The following CSMD3 variants were observed in gnomAD, a reference collection of about 807,000 sequenced individuals.
CSMD3 encodes the protein CUB and Sushi multiple domains 3.
In CSMD3, 177 loss-of-function variants were observed where a neutral mutation model predicts 435.2. The ratio of observed to expected loss-of-function variants is 0.41; its 90% confidence interval spans 0.36 to 0.46. The LOEUF is 0.46. Among genes scored for constraint, CSMD3 ranks in the 20% least tolerant of loss-of-function variants. CSMD3 has a pLI of 0.34. For missense variants in CSMD3, 4,265 were observed against 4,504.6 expected (o/e 0.95, Z 1.52); for synonymous variants, 1,656 against 1,520.5 (o/e 1.09, Z -2.07).
intron 2 of CSMD3, chr8:113,314,338 C>A: frequency 2.0e-6 from 1 of 498,672 alleles, no homozygotes; most frequent in Non-Finnish European, 3.6e-6. Context: ...AAGAGATCAC[C>A]ACTCAATATA....
At chr8:113,382,181 T>C (rs2094418900) in intron 1 of CSMD3, among the ~76,000 whole-genome samples, 1 of 152,176 alleles carries the variant, frequency 6.6e-6, no homozygotes, top group African/African-American at 2.4e-5. Context: ...ATATTTTGTA[T>C]GCATTGATAA....
chr8:112,296,837 T>C (rs1443463500), intron 53 of CSMD3, among the ~76,000 whole-genome samples: 1 of 151,832 alleles, frequency 6.6e-6, no homozygotes, highest in Non-Finnish European at 1.5e-5. Context: ...ATTATTAAAC[T>C]CTTAGCTAAC....
At chr8:112,723,434 C>T (rs1337165569) in intron 13 of CSMD3, among the ~76,000 whole-genome samples, 2 of 152,138 alleles carry the variant, frequency 1.3e-5, no homozygotes, top group Non-Finnish European at 2.9e-5. Flanking sequence ...ACATCTCACA[C>T]TCTTGAAGGC....
intron 10 of CSMD3, among the ~76,000 whole-genome samples, chr8:112,908,152 CT>C (rs1405187957): frequency 4.0e-5 from 6 of 151,418 alleles, no homozygotes; most frequent in Non-Finnish European, 8.9e-5. Context: ...TCAAATAGAA[CT>C]TTAGGAAATA....
At chr8:113,316,945 G>A (rs1311372482) in intron 1 of CSMD3, among the ~76,000 whole-genome samples, 1 of 152,094 alleles carries the variant, frequency 6.6e-6, no homozygotes, top group Non-Finnish European at 1.5e-5. Flanking sequence ...TATCCTCTGA[G>A]CAAAATTTAC....
chr8:112,949,053 G>A (rs181369066), intron 8 of CSMD3, among the ~76,000 whole-genome samples: 4 of 152,030 alleles, frequency 2.6e-5, no homozygotes, highest in Admixed American at 6.6e-5. Context: ...AAAGTGTTGC[G>A]GTTGTAGGTG....
chr8:112,378,540 G>C (rs1426787488), intron 38 of CSMD3, among the ~76,000 whole-genome samples: 4 of 152,094 alleles, frequency 2.6e-5, no homozygotes, highest in Non-Finnish European at 4.4e-5. Flanking sequence ...AGGATGTTAC[G>C]TTAAGTGAAA....
chr8:112,747,182 C>CTTTTTTTTTTTT (rs2077447734), intron 13 of CSMD3, among the ~76,000 whole-genome samples: 1 of 49,990 alleles, frequency 2.0e-5, no homozygotes, highest in African/African-American at 1.4e-4. Context: ...TGCACACTTC[C>CTTTTTTTTTTTT]CTTTTTTTTT....
chr8:112,370,018 G>GAGA, intron 38 of CSMD3, among the ~76,000 whole-genome samples: 1 of 52,618 alleles, frequency 1.9e-5, no homozygotes, highest in East Asian at 7.4e-4. Flanking sequence ...AGAGGAAGAA[G>GAGA]AAGAGGAAGA....
intron 18 of CSMD3, among the ~76,000 whole-genome samples, chr8:112,650,769 A>T (rs1429347238): frequency 1.7e-5 from 2 of 116,488 alleles, no homozygotes; most frequent in Non-Finnish European, 3.7e-5. Context: ...GTATGAAAGT[A>T]TGAACACCAG....
chr8:112,600,279 A>G (rs1363213540), intron 22 of CSMD3, among the ~76,000 whole-genome samples: 1 of 152,210 alleles, frequency 6.6e-6, no homozygotes, highest in Admixed American at 6.5e-5. Flanking sequence ...GTTTTCAAAT[A>G]AATGGCTCTT....
At chr8:112,419,851 GA>G (rs1419891838) in intron 32 of CSMD3, among the ~76,000 whole-genome samples, 1 of 152,046 alleles carries the variant, frequency 6.6e-6, no homozygotes, top group Non-Finnish European at 1.5e-5. Flanking sequence ...CAGAAGTTGA[GA>G]ATTAATTTGG....
At chr8:113,112,474 TACACACACAC>T (rs10587896) in intron 4 of CSMD3, among the ~76,000 whole-genome samples, 28 of 96,516 alleles carry the variant, frequency 2.9e-4, no homozygotes, top group African/African-American at 3.5e-4. Context: ...CACACACACG[TACACACACAC>T]ACACACACAC....
chr8:112,679,699 A>G (rs1173927795), intron 16 of CSMD3, among the ~76,000 whole-genome samples: 1 of 152,168 alleles, frequency 6.6e-6, no homozygotes, highest in African/African-American at 2.4e-5. Context: ...TACCTCCACC[A>G]TGAAGCTAGG....
At chr8:113,058,738 C>T (rs2088464828) in intron 5 of CSMD3, among the ~76,000 whole-genome samples, 1 of 151,980 alleles carries the variant, frequency 6.6e-6, no homozygotes, top group South Asian at 2.1e-4. Flanking sequence ...AGAAGCTTCC[C>T]TAGCGATACC....
intron 2 of CSMD3, among the ~76,000 whole-genome samples, chr8:113,295,394 A>C (rs1188385596): frequency 1.3e-5 from 2 of 152,192 alleles, no homozygotes; most frequent in African/African-American, 4.8e-5. Flanking sequence ...TATAATATGA[A>C]GGTGAAGAAA....
chr8:112,359,367 T>C (rs987544807), intron 38 of CSMD3, among the ~76,000 whole-genome samples: 1 of 152,172 alleles, frequency 6.6e-6, no homozygotes, highest in African/African-American at 2.4e-5. Context: ...TCTGATAATA[T>C]ATAAATAATT....
intron 13 of CSMD3, among the ~76,000 whole-genome samples, chr8:112,716,102 G>T (rs2131944446): frequency 6.6e-6 from 1 of 152,202 alleles, no homozygotes; most frequent in East Asian, 1.9e-4. Context: ...AAGAAATAAA[G>T]GGTATTCAAA....
At chr8:112,478,023 G>A (rs1819240098) in intron 31 of CSMD3, among the ~76,000 whole-genome samples, 1 of 152,132 alleles carries the variant, frequency 6.6e-6, no homozygotes, top group Non-Finnish European at 1.5e-5. Flanking sequence ...TTTAAAAAGA[G>A]GCGTTCCCCT....
Sources: allele counts gnomAD v4.1 joint callset (sites outside exome capture counted in the v4.1 genomes callset), GRCh38; gene constraint gnomAD v4.1.1; transcripts MANE v1.5; gene names NCBI Gene and HGNC (gene_info 2026-07-23, HGNC 2026-07-21).